Variants in ABCC5 observed in about 807,000 individuals in gnomAD.
ABCC5 encodes the protein ATP-binding cassette sub-family C member 5.
Under a neutral mutation model 160.9 loss-of-function variants are expected in ABCC5, and 61 were observed. That is an observed-to-expected ratio of 0.38 (90% CI 0.31 to 0.47). ABCC5 has a LOEUF of 0.47. Among genes scored for constraint, ABCC5 ranks in the 20% least tolerant of loss-of-function variants. The probability of loss-of-function intolerance (pLI) is 0.99; values close to 1 mark genes in which losing one functional copy is unlikely to be tolerated. For missense variants in ABCC5, 1,308 were observed against 1,813.3 expected, an observed-to-expected ratio of 0.72 and a Z score of 5.06; for synonymous variants, 666 against 700.6, an observed-to-expected ratio of 0.95 and a Z score of 0.78.
intron 2 of ABCC5, among the ~76,000 whole-genome samples, chr3:184,006,912 G>T (rs2108912993): frequency 6.6e-6 from 1 of 151,742 alleles, no homozygotes; most frequent in Admixed American, 6.6e-5. Context: ...TTCTAATTTG[G>T]TAGGAAGAAA....
intron 2 of ABCC5, among the ~76,000 whole-genome samples, chr3:183,998,449 T>A (rs1392463050): frequency 6.6e-6 from 1 of 152,214 alleles, no homozygotes; most frequent in Admixed American, 6.5e-5. Context: ...AGAAAATTTA[T>A]ACAAATTTAT....
At chr3:183,939,774 T>C (rs1714109048) in intron 25 of ABCC5, among the ~76,000 whole-genome samples, 1 of 152,220 alleles carries the variant, frequency 6.6e-6, no homozygotes, top group Non-Finnish European at 1.5e-5. Context: ...GCAACTTGGT[T>C]CCATGGTTTA....
chr3:184,013,229 G>A (rs1294387140), intron 2 of ABCC5, among the ~76,000 whole-genome samples: 1 of 152,074 alleles, frequency 6.6e-6, no homozygotes, highest in Non-Finnish European at 1.5e-5. Flanking sequence ...TGAAATCTGA[G>A]TCTCTCCAAA....
chr3:183,987,859 G>A lies in ABCC5; in HGVS notation c.502C>T (p.Arg168Ter), dbSNP rs771305194. 3 of 1,614,054 alleles carry A rather than the reference G, an allele frequency of 1.9e-6. No homozygotes were observed. Among genetic ancestry groups the A allele is most frequent in the South Asian group, 1.1e-5 (1 of 91,086 alleles). Residue 168 changes from arginine (R) to a stop codon, truncating the protein, a stop_gained, in exon 5 of 30, where the codon CGA (arginine) becomes TGA (stop). Coordinates refer to ENST00000334444, the MANE Select transcript of ABCC5 (RefSeq NM_005688.4). LOFTEE classifies it high-confidence loss of function. This position sits in a 1 kb window ranked among gnomAD's most constrained non-coding sequence, Gnocchi z 4.2. ...CGGCAGAAGATCCACACAACCCTTC[G>A]CAGGGAAGCAGCGTCTGGCCCAACT... Reference protein sequence around the residue: ...NEVGPDAASLRRVVWIFCRTR... With the variant: ...NEVGPDAASL
intron 17 of ABCC5, among the ~76,000 whole-genome samples, chr3:183,958,490 C>A (rs1312270681): frequency 6.6e-6 from 1 of 152,142 alleles, no homozygotes; most frequent in African/African-American, 2.4e-5. Flanking sequence ...GCCTTCTGTG[C>A]TGTTTGTTTT....
Position 184,009,344 on chromosome 3 carries a change from C to T in ABCC5, c.129+4920G>A, listed in dbSNP as rs555882456. Among the ~76,000 whole-genome samples, 11 of 152,212 alleles carry T rather than the reference C, an allele frequency of 7.2e-5. No individual in the cohort carries two copies. The East Asian group carries it at 2.1e-3, about 29-fold the overall frequency. On this transcript the variant is annotated intron_variant, in intron 2 of 29. Transcript: ENST00000334444. ...CCTGGCATCCTGGGAGATCCTGTCC[C>T]AGATTTCCTCTCTAACAAATATAAA...
intron 28 of ABCC5, among the ~76,000 whole-genome samples, chr3:183,926,848 T>G (rs896259368): frequency 1.3e-5 from 2 of 151,476 alleles, no homozygotes. Flanking sequence ...AGATCGAGAC[T>G]ATCCTGGCCA....
At chr3:184,010,307 GAAT>G (rs1721619327) in intron 2 of ABCC5, 1 of 135,766 alleles carries the variant, frequency 7.4e-6, no homozygotes, top group Non-Finnish European at 1.6e-5. Flanking sequence ...AAACATGAAA[GAAT>G]AATAAAAATA....
intron 3 of ABCC5, among the ~76,000 whole-genome samples, 184 bp downstream of exon 3, chr3:183,989,042 G>A (rs900511775): frequency 6.6e-6 from 1 of 151,032 alleles, no homozygotes; most frequent in African/African-American, 2.4e-5. Context: ...GGTGGTGCAC[G>A]CCTGTAGTCC....
At chr3:183,992,876 A>G (rs955112874) in intron 2 of ABCC5, among the ~76,000 whole-genome samples, 2 of 152,352 alleles carry the variant, frequency 1.3e-5, no homozygotes, top group East Asian at 3.8e-4. Context: ...TTTTCTGTAA[A>G]AGGCCAGAGG....
intron 2 of ABCC5, among the ~76,000 whole-genome samples, chr3:183,997,383 A>G (rs1051102971): frequency 2.0e-5 from 3 of 152,260 alleles, no homozygotes; most frequent in Non-Finnish European, 2.9e-5. Context: ...TATTGGGTAT[A>G]TAATAAACAT....
intron 29 of ABCC5, among the ~76,000 whole-genome samples, chr3:183,923,994 C>A (rs1712262109): frequency 7.0e-6 from 1 of 142,958 alleles, no homozygotes; most frequent in Non-Finnish European, 1.5e-5. Flanking sequence ...TAAATCCCAC[C>A]AATTTTTACT....
chr3:183,989,535 T>A, intron 2 of ABCC5, 152 bp from the exon 3 acceptor site: 1 of 708,440 alleles, frequency 1.4e-6, no homozygotes, highest in Non-Finnish European at 2.3e-6. Context: ...TAACTTTGTA[T>A]GATTTGAACC....
At chr3:183,928,897 G>A in intron 26 of ABCC5, 72 bp from the exon 27 acceptor site, 1 of 1,278,560 alleles carries the variant, frequency 7.8e-7, no homozygotes, top group Non-Finnish European at 1.1e-6. Context: ...GTCTGTGGAA[G>A]ATGTTTAACA....
In ABCC5 at chr3:183,953,145, C is replaced by G. The variant is rs760960837; in HGVS notation, c.2608G>C (p.Val870Leu). ...LVIMALFMLN[V>L]GSTAFSTWWL... is the part of the protein sequence containing the mutation. ...CAGGTGCTGAAGGCGGTGCTGCCTA[C>G]ATTCAGCATGAAAAGGGCCATAATA... Residue 870 changes from valine to leucine, a missense_variant, in exon 18 of 30, where the codon GTA (valine) becomes CTA (leucine). Physicochemically the swap from Val to Leu is conservative, Grantham distance 32. Coordinates refer to ENST00000334444, the MANE Select transcript of ABCC5 (RefSeq NM_005688.4). 1.2e-6 allele frequency: 2 copies of G among 1,614,000 alleles called. No individual in the cohort carries two copies. Among genetic ancestry groups the G allele is most frequent in the African/African-American group, 2.7e-5 (2 of 74,898 alleles).
Position 183,923,101 on chromosome 3 carries a change from G to A in ABCC5, c.4213-1700C>T, listed in dbSNP as rs372187420. 5.9e-5 allele frequency among the ~76,000 whole-genome samples: 9 copies of A among 151,980 alleles called. No homozygotes were observed. In the East Asian group the frequency reaches 7.7e-4, roughly 13 times the overall value. On this transcript the variant is annotated intron_variant, in intron 29 of 29. Transcript: ENST00000334444. The stretch of plus-strand genomic sequence containing the variant: ...GGTAAGTCAGTGTATTACAATGCTC[G>A]TCTCTGGGGGTAAATGGCTTATCAT...
chr3:183,926,112 A>G (rs1158740052), intron 28 of ABCC5, among the ~76,000 whole-genome samples: 1 of 144,976 alleles, frequency 6.9e-6, no homozygotes, highest in African/African-American at 2.5e-5. Context: ...TGCTGGGATT[A>G]CAGGCTTGAG....
At chr3:183,939,068 C>A (rs1315148062) in intron 25 of ABCC5, among the ~76,000 whole-genome samples, 1 of 152,210 alleles carries the variant, frequency 6.6e-6, no homozygotes, top group Non-Finnish European at 1.5e-5. Context: ...ATTTTAGGCA[C>A]ACTTCCTTTC....
chr3:183,954,614 G>T (rs1190697964), intron 17 of ABCC5, among the ~76,000 whole-genome samples: 4 of 152,198 alleles, frequency 2.6e-5, no homozygotes, highest in Non-Finnish European at 5.9e-5. Flanking sequence ...TAACTGGCTG[G>T]CTGCTGGAGG....
Sources: allele counts gnomAD v4.1 joint callset (sites outside exome capture counted in the v4.1 genomes callset), GRCh38; gene constraint gnomAD v4.1.1; non-coding constraint Gnocchi (gnomAD v3.1); transcripts MANE v1.5; gene names NCBI Gene and HGNC (gene_info 2026-07-23, HGNC 2026-07-21).